Variants in VWA8 observed in about 807,000 individuals in gnomAD.
VWA8 encodes von Willebrand factor A domain containing 8, also known as von Willebrand factor A domain-containing protein 8.
VWA8 carries 221 observed loss-of-function variants against 241.5 expected under a neutral mutation model. The ratio of observed to expected loss-of-function variants is 0.91; its 90% confidence interval spans 0.82 to 1.02. The LOEUF is 1.02. Among genes scored for constraint, VWA8 ranks in the 50% least tolerant of loss-of-function variants. The pLI is 0.00. For synonymous variants in VWA8, 852 were observed against 827.1 expected (o/e 1.03, Z -0.52); for missense variants, 2,322 against 2,328.7 (o/e 1.00, Z 0.06).
chr13:41,657,514 A>G (rs34641585), intron 37 of VWA8, among the ~76,000 whole-genome samples: 2,710 of 140,934 alleles, frequency 0.019, 48 homozygotes, highest in African/African-American at 0.052. Flanking sequence ...ACGGAGTCTC[A>G]CTCTGTCGCC....
chr13:41,882,677 G>T (rs570753860), intron 9 of VWA8, among the ~76,000 whole-genome samples: 1 of 152,218 alleles, frequency 6.6e-6, no homozygotes, highest in Non-Finnish European at 1.5e-5. Flanking sequence ...GGCGTCGCGC[G>T]CCTGCAATCG....
At chr13:41,708,524 T>C (rs538841752) in intron 26 of VWA8, among the ~76,000 whole-genome samples, 17 of 152,340 alleles carry the variant, frequency 1.1e-4, no homozygotes, top group African/African-American at 3.6e-4. Context: ...GTCGCTTCCC[T>C]ACCATCTCAC....
chr13:41,576,090 G>A (rs548697732), intron 42 of VWA8, among the ~76,000 whole-genome samples: 1 of 152,274 alleles, frequency 6.6e-6, no homozygotes, highest in South Asian at 2.1e-4. Context: ...AAAAAGTCTG[G>A]GGTCTGAGGT....
At chr13:41,660,693 T>C (rs781756192) in intron 37 of VWA8, among the ~76,000 whole-genome samples, 8 of 152,176 alleles carry the variant, frequency 5.3e-5, no homozygotes, top group Middle Eastern at 3.2e-3. Context: ...CTGCTGCAAC[T>C]GTGCTTGTTT....
intron 43 of VWA8, among the ~76,000 whole-genome samples, chr13:41,572,479 A>C (rs1169974566): frequency 6.6e-6 from 1 of 152,100 alleles, no homozygotes; most frequent in Non-Finnish European, 1.5e-5. Flanking sequence ...GGATGCTGTT[A>C]ATCTATAACC....
intron 2 of VWA8, among the ~76,000 whole-genome samples, chr13:41,939,550 G>A (rs1450314410): frequency 1.3e-5 from 2 of 152,144 alleles, no homozygotes; most frequent in Non-Finnish European, 2.9e-5. Context: ...GCTGCACTGG[G>A]GAAGATGTCC....
At chr13:41,913,332 A>G (rs982942083) in intron 2 of VWA8, among the ~76,000 whole-genome samples, 3 of 152,186 alleles carry the variant, frequency 2.0e-5, no homozygotes, top group Admixed American at 6.5e-5. Context: ...GTATAGCTTC[A>G]AGGATATTGG....
At chr13:41,784,753 T>TAC (rs1869104067) in intron 18 of VWA8, among the ~76,000 whole-genome samples, 1 of 115,586 alleles carries the variant, frequency 8.7e-6, no homozygotes, top group South Asian at 3.0e-4. Flanking sequence ...TATATATATA[T>TAC]ATATATATAC....
At chr13:41,702,787 G>A (rs1042413538) in intron 27 of VWA8, among the ~76,000 whole-genome samples, 20 of 152,184 alleles carry the variant, frequency 1.3e-4, no homozygotes, top group African/African-American at 4.6e-4. Flanking sequence ...GACAGCAGAA[G>A]CAGAAATACT....
chr13:41,796,304 C>T (rs901106659), intron 17 of VWA8, among the ~76,000 whole-genome samples: 5 of 152,028 alleles, frequency 3.3e-5, no homozygotes, highest in Non-Finnish European at 7.4e-5. Context: ...CAATTTGGTA[C>T]AATTTGACAA....
At chr13:41,740,283 ATTT>A (rs1026209366) in intron 21 of VWA8, among the ~76,000 whole-genome samples, 2 of 152,114 alleles carry the variant, frequency 1.3e-5, no homozygotes, top group Non-Finnish European at 2.9e-5. Context: ...TTTGATGTAG[ATTT>A]TTTTAAAATT....
At chr13:41,779,223 T>C (rs1868778620) in intron 19 of VWA8, among the ~76,000 whole-genome samples, 1 of 147,868 alleles carries the variant, frequency 6.8e-6, no homozygotes, top group African/African-American at 2.4e-5. Flanking sequence ...TATATAGATA[T>C]AAAAATATAT....
intron 37 of VWA8, among the ~76,000 whole-genome samples, chr13:41,646,059 T>C (rs2044830028): frequency 6.6e-6 from 1 of 151,522 alleles, no homozygotes; most frequent in Non-Finnish European, 1.5e-5. Context: ...CTCCACCTCC[T>C]GGGTTCAAGC....
intron 4 of VWA8, among the ~76,000 whole-genome samples, chr13:41,898,225 A>G (rs1428268157): frequency 6.6e-6 from 1 of 151,804 alleles, no homozygotes; most frequent in Non-Finnish European, 1.5e-5. Flanking sequence ...GAGCAGGTAG[A>G]TACAGAGTGT....
chr13:41,654,220 T>C (rs1038992458), intron 37 of VWA8, among the ~76,000 whole-genome samples: 2 of 152,176 alleles, frequency 1.3e-5, no homozygotes, highest in African/African-American at 4.8e-5. Flanking sequence ...ATAAAATTAA[T>C]GGATGAAAGT....
intron 4 of VWA8, among the ~76,000 whole-genome samples, chr13:41,901,000 T>C (rs904337145): frequency 6.6e-6 from 1 of 152,158 alleles, no homozygotes; most frequent in Admixed American, 6.5e-5. Context: ...ATAGACTGTG[T>C]TGCAGATTAA....
intron 43 of VWA8, 74 bp from the exon 44 acceptor site, chr13:41,570,780 T>C (rs1039197394): frequency 1.8e-5 from 25 of 1,364,786 alleles, no homozygotes; most frequent in Non-Finnish European, 2.6e-5. Flanking sequence ...TATTTTTCTA[T>C]TGACCATGAG....
Position 41,671,079 on chromosome 13 carries a change from T to C in VWA8, c.4478A>G (p.Glu1493Gly), listed in dbSNP as rs769479504. 6.2e-7 allele frequency: 1 copy of C among 1,613,950 alleles called. No homozygotes were observed. Among genetic ancestry groups the C allele is most frequent in the Non-Finnish European group, 8.5e-7 (1 of 1,179,890 alleles). The change falls in exon 37 of 45, where the codon GAG becomes GGG. Residue 1493 changes from glutamate to glycine, a missense_variant. By Grantham distance (98) the Glu-to-Gly change is moderately conservative (BLOSUM62 -2). Coordinates refer to ENST00000379310, the MANE Select transcript of VWA8 (RefSeq NM_015058.2). ...AGTAACAACACCGCTTTTGTCCCACTCAGCCAGCAGTGCATCTGTGTCTGA... is the reference window on the plus strand; with the variant it reads ...AGTAACAACACCGCTTTTGTCCCACCCAGCCAGCAGTGCATCTGTGTCTGA... ...TISDTDALLA[E>G]WDKSGVVTVD...
At chr13:41,737,508 C>T (rs1014992670) in intron 21 of VWA8, among the ~76,000 whole-genome samples, 1 of 152,198 alleles carries the variant, frequency 6.6e-6, no homozygotes, top group Non-Finnish European at 1.5e-5. Context: ...CAAGAAACTT[C>T]CTTAGCCCCT....
Sources: allele counts gnomAD v4.1 joint callset (sites outside exome capture counted in the v4.1 genomes callset), GRCh38; gene constraint gnomAD v4.1.1; transcripts MANE v1.5; gene names NCBI Gene and HGNC (gene_info 2026-07-23, HGNC 2026-07-21).